Variants in VWC2 observed in about 807,000 individuals in gnomAD.
The protein encoded by VWC2 is brorin.
A neutral mutation model predicts 29.8 loss-of-function variants in VWC2; 14 were observed. That is an observed-to-expected ratio of 0.47 (90% CI 0.31 to 0.74). The LOEUF (loss-of-function observed/expected upper bound fraction) is 0.74. Among genes scored for constraint, VWC2 ranks in the 30% least tolerant of loss-of-function variants. The pLI is 0.05. For synonymous variants in VWC2, 213 were observed against 199.0 expected (o/e 1.07, Z -0.59); for missense variants, 457 against 459.8 (o/e 0.99, Z 0.05).
At chr7:49,824,687 G>T (rs901499186) in intron 3 of VWC2, among the ~76,000 whole-genome samples, 3 of 151,874 alleles carry the variant, frequency 2.0e-5, no homozygotes, top group Non-Finnish European at 4.4e-5. Context: ...CTACAAACAT[G>T]GCATATCTCT....
intron 2 of VWC2, among the ~76,000 whole-genome samples, chr7:49,777,351 A>T: frequency 6.6e-6 from 1 of 152,246 alleles, no homozygotes; most frequent in East Asian, 1.9e-4. Context: ...GCAATGAATT[A>T]TCAAGTGTTA....
intron 3 of VWC2, among the ~76,000 whole-genome samples, chr7:49,909,691 G>T (rs1232040359): frequency 2.0e-5 from 3 of 152,194 alleles, no homozygotes; most frequent in Non-Finnish European, 4.4e-5. Context: ...AAGCGAGAAA[G>T]TACAATTGGA....
rs1793904554 is a variant in VWC2 at position 49,919,452 on chromosome 7, A to G, written c.*7267A>G. The G allele has an allele frequency of 6.6e-6, 1 of 152,210 alleles. No homozygotes were observed. The highest frequency in any genetic ancestry group is 2.4e-5 in the African/African-American group (1 of 41,456). The allele number at this position is 152,210 out of a possible 1,614,324, so 9.4% of individuals were successfully genotyped here. On this transcript the variant is annotated 3_prime_UTR_variant, in exon 4 of 4. Transcript: ENST00000340652. The stretch of plus-strand genomic sequence containing the variant: ...TCTGATACATAGTAGCTAGCTAGTG[A>G]TAAAATTATGAAGTTACCATTGTAT...
chr7:49,920,496 C>A lies in VWC2; in HGVS notation c.*8311C>A, dbSNP rs1160301225. On this transcript the variant is annotated 3_prime_UTR_variant, in exon 4 of 4. Transcript: ENST00000340652. ...CAAACAAAAGACAAGAGAAGCACTG[C>A]ATTGTTGGCAAGAAATTCCTTTTAA... 3 of 152,118 alleles carry A rather than the reference C, an allele frequency of 2.0e-5. No individual in the cohort carries two copies. Among genetic ancestry groups the A allele is most frequent in the Non-Finnish European group, 4.4e-5 (3 of 68,010 alleles). The allele number at this position is 152,118 out of a possible 1,614,324, so 9.4% of individuals were successfully genotyped here. A position where few individuals can be genotyped will look rare whatever the true frequency, so the allele number is the denominator to read the frequency against.
intron 3 of VWC2, among the ~76,000 whole-genome samples, chr7:49,823,800 A>G (rs1789325224): frequency 6.6e-6 from 1 of 152,182 alleles, no homozygotes; most frequent in Non-Finnish European, 1.5e-5. Flanking sequence ...TTAATTTTAG[A>G]AGGTCTAAGA....
rs947460357 is a variant in VWC2, at chr7:49,913,111, C to T, written c.*926C>T. ...AATGTGCTACAGATAACTCAGCTGT[C>T]AGTTCAGTGGAATCATATTTGTCAT... On this transcript the variant is annotated 3_prime_UTR_variant, in exon 4 of 4. Coordinates refer to ENST00000340652, the MANE Select transcript of VWC2 (RefSeq NM_198570.5). 2 of 152,178 alleles carry T rather than the reference C, an allele frequency of 1.3e-5. No homozygotes were observed. Among genetic ancestry groups the T allele is most frequent in the African/African-American group, 4.8e-5 (2 of 41,452 alleles). The allele number at this position is 152,178 out of a possible 1,614,324, so 9.4% of individuals were successfully genotyped here. A position where few individuals can be genotyped will look rare whatever the true frequency, so the allele number is the denominator to read the frequency against.
rs1388867646 is a variant in VWC2 at position 49,855,504 on chromosome 7, G to A, written c.826+52664G>A. On this transcript the variant is annotated intron_variant, in intron 3 of 3. Coordinates refer to ENST00000340652, the MANE Select transcript of VWC2 (RefSeq NM_198570.5). ...ATTTCCCAGGTGAAAGAGGACAGAT[G>A]TTGTGGAGAGAGGTAAGGAAGGCTC... Among the ~76,000 whole-genome samples, 4 of 152,338 alleles carry A rather than the reference G, an allele frequency of 2.6e-5. No individual in the cohort carries two copies. In the East Asian group the frequency reaches 7.7e-4, roughly 29 times the overall value.
At chr7:49,909,305 C>A (rs1793275782) in intron 3 of VWC2, among the ~76,000 whole-genome samples, 1 of 152,030 alleles carries the variant, frequency 6.6e-6, no homozygotes, top group Admixed American at 6.6e-5. Flanking sequence ...TTCAAATTTA[C>A]CTCTGCAAAA....
intron 2 of VWC2, among the ~76,000 whole-genome samples, chr7:49,787,506 T>C (rs1788325647): frequency 6.6e-6 from 1 of 152,218 alleles, no homozygotes; most frequent in Admixed American, 6.5e-5. Flanking sequence ...TGTTGACAAC[T>C]ATGCTCTGGG....
chr7:49,816,694 A>G (rs2128708486), intron 3 of VWC2, among the ~76,000 whole-genome samples: 1 of 152,356 alleles, frequency 6.6e-6, no homozygotes, highest in East Asian at 1.9e-4. Context: ...TAACTGGAGA[A>G]AAAAACAACT....
intron 3 of VWC2, among the ~76,000 whole-genome samples, chr7:49,834,170 T>A (rs1478353523): frequency 6.6e-6 from 1 of 152,168 alleles, no homozygotes; most frequent in Non-Finnish European, 1.5e-5. Flanking sequence ...TACTCTCTGA[T>A]CTGTGCGCAG....
intron 3 of VWC2, among the ~76,000 whole-genome samples, chr7:49,826,045 G>T (rs900580951): frequency 6.6e-6 from 1 of 152,150 alleles, no homozygotes; most frequent in African/African-American, 2.4e-5. Flanking sequence ...TAGAAAGAAA[G>T]GGTTGACAAA....
Position 49,913,679 on chromosome 7 carries a change from T to C in VWC2, c.*1494T>C, listed in dbSNP as rs1793575789. The C allele has an allele frequency of 6.6e-6, 1 of 152,180 alleles. No individual in the cohort carries two copies. The highest frequency in any genetic ancestry group is 2.1e-4 in the South Asian group (1 of 4,824). The allele number at this position is 152,180 out of a possible 1,614,324, so 9.4% of individuals were successfully genotyped here. A position where few individuals can be genotyped will look rare whatever the true frequency, so the allele number is the denominator to read the frequency against. Reference sequence around the variant, plus strand: ...CTGGCATAAGAAGTATATGAAATCATAATGTATTGTATTAGGAGCCAAACT... The same window carrying C: ...CTGGCATAAGAAGTATATGAAATCACAATGTATTGTATTAGGAGCCAAACT... On this transcript the variant is annotated 3_prime_UTR_variant, in exon 4 of 4. Transcript: ENST00000340652.
chr7:49,901,959 G>T (rs1452527353), intron 3 of VWC2, among the ~76,000 whole-genome samples: 1 of 151,750 alleles, frequency 6.6e-6, no homozygotes, highest in Non-Finnish European at 1.5e-5. Context: ...TTCAACGAAT[G>T]GTACTGGAAC....
rs769604 is a variant in VWC2 at position 49,775,794 on chromosome 7, C to T, written c.359C>T (p.Ala120Val). 1.3e-6 allele frequency: 2 copies of T among 1,531,522 alleles called. No individual in the cohort carries two copies. Among genetic ancestry groups the T allele is most frequent in the Non-Finnish European group, 1.8e-6 (2 of 1,139,530 alleles). The allele number at this position is 1,531,522 out of a possible 1,614,324, so 94.9% of individuals were successfully genotyped here. A position where few individuals can be genotyped will look rare whatever the true frequency, so the allele number is the denominator to read the frequency against. The change falls in exon 2 of 4, where the codon GCG (alanine) becomes GTG (valine). Residue 120 changes from alanine to valine, a missense_variant. This residue lies in a region of VWC2 where 272 missense variants were observed against 202.7 expected (regional missense o/e 1.34). Coordinates refer to ENST00000340652, the MANE Select transcript of VWC2 (RefSeq NM_198570.5). ...QVRPRGDTPQ[A>V]EALAAAAQDA... is the part of the protein sequence containing the mutation. ...CGGCCCCGCGGGGACACCCCGCAGG[C>T]GGAAGCCCTGGCCGCAGCCGCCCAG...
intron 3 of VWC2, among the ~76,000 whole-genome samples, chr7:49,812,756 G>T (rs1789043041): frequency 6.6e-6 from 1 of 152,136 alleles, no homozygotes; most frequent in Non-Finnish European, 1.5e-5. Context: ...GTGTGATGAG[G>T]CATTTCCCTT....
intron 3 of VWC2, among the ~76,000 whole-genome samples, chr7:49,910,164 A>G (rs1443281666): frequency 6.6e-6 from 1 of 152,172 alleles, no homozygotes; most frequent in African/African-American, 2.4e-5. Flanking sequence ...AGAAGGGGGC[A>G]CATGCAAGCA....
intron 3 of VWC2, among the ~76,000 whole-genome samples, chr7:49,836,295 T>G (rs1453898025): frequency 1.3e-5 from 2 of 152,042 alleles, no homozygotes; most frequent in Non-Finnish European, 1.5e-5. Context: ...CACTTAAATT[T>G]TTGGTCTGTG....
chr7:49,789,272 G>GT (rs1562705506), intron 2 of VWC2, among the ~76,000 whole-genome samples: 13 of 130,528 alleles, frequency 1.0e-4, no homozygotes, highest in South Asian at 4.7e-4. Flanking sequence ...TGTGTGAGCG[G>GT]GTGTGTGTGA....
Sources: allele counts gnomAD v4.1 joint callset (sites outside exome capture counted in the v4.1 genomes callset), GRCh38; gene constraint gnomAD v4.1.1; regional missense constraint gnomAD v4.1.1; transcripts MANE v1.5; gene names NCBI Gene and HGNC (gene_info 2026-07-23, HGNC 2026-07-21).